Variants in SETD3 observed in about 807,000 individuals in gnomAD.
The protein encoded by SETD3 is SET domain containing 3, actin N3(tau)-histidine methyltransferase.
In SETD3, 19 loss-of-function variants were observed where a neutral mutation model predicts 63.0. That is an observed-to-expected ratio of 0.30 (90% CI 0.21 to 0.44). SETD3 has a LOEUF of 0.44. Ranked by LOEUF, SETD3 falls within the 20% of genes least tolerant of loss-of-function variation. The probability of loss-of-function intolerance (pLI) is 1.00; values close to 1 mark genes in which losing one functional copy is unlikely to be tolerated. For synonymous variants in SETD3, 286 were observed against 264.1 expected (o/e 1.08, Z -0.80); for missense variants, 587 against 728.5 (o/e 0.81, Z 2.24).
chr14:99,461,404 C>G, intron 3 of SETD3, 64 bp from the exon 4 acceptor site: 1 of 1,526,676 alleles, frequency 6.6e-7, no homozygotes, highest in African/African-American at 1.4e-5. Flanking sequence ...TCACACGTCT[C>G]TCAGAAAATA....
At chr14:99,413,204 C>G in intron 7 of SETD3, 139 bp from the exon 8 acceptor site, 1 of 602,650 alleles carries the variant, frequency 1.7e-6, no homozygotes, top group Non-Finnish European at 3.0e-6. Context: ...TAATGTTTGG[C>G]CTTCATCATC....
chr14:99,481,284 A>G (rs867513283), upstream of SETD3: 11 of 391,796 alleles, frequency 2.8e-5, no homozygotes, highest in African/African-American at 1.9e-4. Context: ...CGGGGAGGAG[A>G]GCGGCGGCTC....
At chr14:99,410,655 C>A (rs1282728154) in intron 8 of SETD3, among the ~76,000 whole-genome samples, 1 of 152,222 alleles carries the variant, frequency 6.6e-6, no homozygotes, top group Non-Finnish European at 1.5e-5. Context: ...TAGTACCACA[C>A]CTTATAACCC....
chr14:99,417,209 A>G (rs1004087489), intron 6 of SETD3, among the ~76,000 whole-genome samples: 1 of 152,228 alleles, frequency 6.6e-6, no homozygotes, highest in African/African-American at 2.4e-5. Flanking sequence ...AATAAAACCT[A>G]TGGATTATAA....
chr14:99,400,771 G>A (rs1453273681), intron 11 of SETD3, among the ~76,000 whole-genome samples: 2 of 152,086 alleles, frequency 1.3e-5, no homozygotes, highest in East Asian at 1.9e-4. Flanking sequence ...TTTAAGCCAC[G>A]TTCGTAACAA....
intron 6 of SETD3, among the ~76,000 whole-genome samples, chr14:99,441,112 G>A (rs1362120583): frequency 1.3e-5 from 2 of 152,210 alleles, no homozygotes; most frequent in Non-Finnish European, 2.9e-5. Context: ...TGTCATAGAG[G>A]GACAAAAGTG....
upstream of SETD3, among the ~76,000 whole-genome samples, chr14:99,484,734 G>A (rs1310906618): frequency 2.0e-5 from 3 of 152,208 alleles, no homozygotes; most frequent in Non-Finnish European, 1.5e-5. Flanking sequence ...AGGCTGTTTT[G>A]TAAACTAATG....
In SETD3 at chr14:99,400,355, G is replaced by A. The variant is rs567087941; in HGVS notation, c.1178-96C>T. On this transcript the variant is annotated intron_variant, in intron 11 of 12. Coordinates refer to ENST00000331768, the MANE Select transcript of SETD3 (RefSeq NM_032233.3). ...CTTAGAAAATATTGTTTCCAACAAC[G>A]CCATTTTCCCACGGTAAAAGCTGTC... 12 of 1,323,802 alleles carry A rather than the reference G, an allele frequency of 9.1e-6. No homozygotes were observed. In the African/African-American group the frequency reaches 1.2e-4, roughly 13 times the overall value. The allele number at this position is 1,323,802 out of a possible 1,614,324, so 82.0% of individuals were successfully genotyped here.
chr14:99,410,300 T>C, intron 8 of SETD3: 1 of 1,602,988 alleles, frequency 6.2e-7, no homozygotes, highest in Non-Finnish European at 8.5e-7. Context: ...GAGACTTGTC[T>C]GCTATTGTAA....
chr14:99,481,352 C>G (rs1053965427), upstream of SETD3: 1 of 398,586 alleles, frequency 2.5e-6, no homozygotes, highest in Non-Finnish European at 4.4e-6. Context: ...CCTACTCTCT[C>G]CGCCCCTCCG....
the SETD3 span, among the ~76,000 whole-genome samples, chr14:99,486,222 GCAA>G: frequency 3.3e-5 from 5 of 152,268 alleles, no homozygotes; most frequent in South Asian, 4.2e-4. Flanking sequence ...GGTTTGTTTT[GCAA>G]CAAAGGATGC....
chr14:99,467,039 T>C (rs1895424451), intron 1 of SETD3, among the ~76,000 whole-genome samples: 1 of 152,226 alleles, frequency 6.6e-6, no homozygotes, highest in South Asian at 2.1e-4. Flanking sequence ...TCTCCCACTA[T>C]ACAGATGATC....
intron 8 of SETD3, chr14:99,410,348 A>G (rs1891919319): frequency 6.3e-6 from 8 of 1,265,924 alleles, no homozygotes; most frequent in Middle Eastern, 2.0e-4. Flanking sequence ...ATCTAAATAT[A>G]AATGTTTTAG....
intron 6 of SETD3, among the ~76,000 whole-genome samples, chr14:99,451,044 GAA>G (rs2139751463): frequency 6.6e-6 from 1 of 152,256 alleles, no homozygotes; most frequent in South Asian, 2.1e-4. Context: ...TGGCATAGAT[GAA>G]AAACATCTGA....
At chr14:99,467,075 T>C (rs1016561630) in intron 1 of SETD3, among the ~76,000 whole-genome samples, 1 of 137,060 alleles carries the variant, frequency 7.3e-6, no homozygotes, top group Admixed American at 7.4e-5. Flanking sequence ...ACTGAGTCCA[T>C]GCAAATATGG....
chr14:99,401,802 C>T lies in SETD3; in HGVS notation c.1178-1543G>A, dbSNP rs948618337. Among the ~76,000 whole-genome samples the T allele has an allele frequency of 2.6e-5, 4 of 152,292 alleles. No homozygotes were observed. In the South Asian group the frequency reaches 8.3e-4, roughly 32 times the overall value. On this transcript the variant is annotated intron_variant, in intron 11 of 12. Transcript: ENST00000331768. Reference sequence around the variant, plus strand: ...AGGTTACTGTTTCCTTCCCTCATCTCCTTCCTCAATCTGCCCAAGTTGCAC... The same window carrying T: ...AGGTTACTGTTTCCTTCCCTCATCTTCTTCCTCAATCTGCCCAAGTTGCAC...
intron 6 of SETD3, among the ~76,000 whole-genome samples, chr14:99,428,579 G>A (rs1893007645): frequency 6.6e-6 from 1 of 152,150 alleles, no homozygotes; most frequent in African/African-American, 2.4e-5. Flanking sequence ...CAAGGAGGTG[G>A]AGTTTGCAGT....
chr14:99,402,835 T>C (rs569090496), intron 11 of SETD3, among the ~76,000 whole-genome samples: 12 of 152,352 alleles, frequency 7.9e-5, no homozygotes, highest in African/African-American at 2.4e-4. Context: ...ATGTACCAAA[T>C]GTAGCATCAT....
At chr14:99,408,335 T>G (rs1217420665) in intron 8 of SETD3, among the ~76,000 whole-genome samples, 2 of 152,230 alleles carry the variant, frequency 1.3e-5, no homozygotes, top group African/African-American at 4.8e-5. Context: ...CAGAACATTT[T>G]AAACACTTCA....
Sources: gnomAD v4.1 joint callset for allele counts (sites outside exome capture counted in the v4.1 genomes callset) on GRCh38, gnomAD v4.1.1 for gene constraint, MANE v1.5 for transcripts, NCBI Gene and HGNC (gene_info 2026-07-23, HGNC 2026-07-21) for gene names.